NCKAP5: variants seen among roughly 807,000 people sequenced by gnomAD.
The protein encoded by NCKAP5 is NCK associated protein 5, also known as nck-associated protein 5.
In NCKAP5, 92 loss-of-function variants were observed where a neutral mutation model predicts 167.0. That is an observed-to-expected ratio of 0.55 (90% CI 0.47 to 0.66). The LOEUF is 0.66. Among genes scored for constraint, NCKAP5 ranks in the 30% least tolerant of loss-of-function variants. NCKAP5 has a pLI of 0.00. For missense variants in NCKAP5, 2,378 were observed against 2,315.0 expected (o/e 1.03, Z -0.56); for synonymous variants, 891 against 877.4 (o/e 1.02, Z -0.27).
chr2:133,012,913 C>T (rs572097529), intron 6 of NCKAP5, among the ~76,000 whole-genome samples: 1 of 152,284 alleles, frequency 6.6e-6, no homozygotes, highest in Non-Finnish European at 1.5e-5. Context: ...TTGCTCTCAG[C>T]ACATCTACAG....
intron 8 of NCKAP5, among the ~76,000 whole-genome samples, chr2:132,899,539 T>C (rs1358131790): frequency 1.3e-5 from 2 of 152,264 alleles, no homozygotes; most frequent in African/African-American, 2.4e-5. Flanking sequence ...TTTTGACATG[T>C]CTTCCTCACT....
At chr2:133,557,314 T>G (rs1687811841) in intron 2 of NCKAP5, among the ~76,000 whole-genome samples, 1 of 152,142 alleles carries the variant, frequency 6.6e-6, no homozygotes, top group Admixed American at 6.6e-5. Context: ...GCACAACTTT[T>G]CCTAGATAAC....
intron 7 of NCKAP5, among the ~76,000 whole-genome samples, chr2:132,990,190 A>G (rs1320608786): frequency 6.6e-6 from 1 of 152,214 alleles, no homozygotes; most frequent in Non-Finnish European, 1.5e-5. Context: ...AGCCTGAGTT[A>G]GGAAGCAGAG....
the NCKAP5 span, among the ~76,000 whole-genome samples, chr2:133,585,102 T>C: frequency 1.5e-4 from 23 of 152,298 alleles, no homozygotes; most frequent in Non-Finnish European, 3.1e-4. Context: ...TTTCACTATG[T>C]ATATCAAAAC....
chr2:133,669,526 AGGTATCTTTTT>A, the NCKAP5 span, among the ~76,000 whole-genome samples: 1 of 152,158 alleles, frequency 6.6e-6, no homozygotes, highest in South Asian at 2.1e-4. Flanking sequence ...CTTTCTTCAA[AGGTATCTTTTT>A]GAGTCCTCTA....
intron 4 of NCKAP5, among the ~76,000 whole-genome samples, chr2:133,266,001 C>T (rs2089184397): frequency 6.6e-6 from 1 of 152,138 alleles, no homozygotes; most frequent in Non-Finnish European, 1.5e-5. Context: ...CCCCTTTACG[C>T]CCCCACCCTT....
chr2:133,221,169 C>G (rs149347173), intron 4 of NCKAP5, among the ~76,000 whole-genome samples: 1 of 152,098 alleles, frequency 6.6e-6, no homozygotes, highest in Non-Finnish European at 1.5e-5. Context: ...TAAAGTATAA[C>G]AAATAAACAT....
intron 3 of NCKAP5, among the ~76,000 whole-genome samples, chr2:133,503,614 G>A (rs941150944): frequency 2.6e-5 from 4 of 152,146 alleles, no homozygotes; most frequent in African/African-American, 9.7e-5. Flanking sequence ...AAGGACTTTG[G>A]ACACCAAATA....
At chr2:132,828,702 T>C (rs1687303363) in intron 11 of NCKAP5, among the ~76,000 whole-genome samples, 1 of 152,210 alleles carries the variant, frequency 6.6e-6, no homozygotes, top group South Asian at 2.1e-4. Flanking sequence ...ACAAATAGTC[T>C]TTATTATCAT....
chr2:132,882,478 T>C (rs981064058), intron 8 of NCKAP5, among the ~76,000 whole-genome samples: 3 of 152,184 alleles, frequency 2.0e-5, no homozygotes, highest in African/African-American at 7.2e-5. Context: ...TTTTAACTCC[T>C]TTGTTCAATC....
At chr2:133,057,062 T>C (rs1460762527) in intron 6 of NCKAP5, among the ~76,000 whole-genome samples, 4 of 152,210 alleles carry the variant, frequency 2.6e-5, no homozygotes, top group Non-Finnish European at 5.9e-5. Context: ...CTGTGATCAG[T>C]GATCTTTGAT....
intron 16 of NCKAP5, among the ~76,000 whole-genome samples, chr2:132,744,185 A>C (rs1370537285): frequency 6.6e-6 from 1 of 151,674 alleles, no homozygotes; most frequent in East Asian, 1.9e-4. Flanking sequence ...ACTTTGACCA[A>C]TGTGAATTGT....
At chr2:132,972,526 C>T (rs1283355970) in intron 7 of NCKAP5, among the ~76,000 whole-genome samples, 2 of 151,090 alleles carry the variant, frequency 1.3e-5, no homozygotes, top group African/African-American at 4.9e-5. Flanking sequence ...GAGATTGAGA[C>T]CATCCTGGCC....
intron 8 of NCKAP5, chr2:132,926,093 T>G (rs148097414): frequency 8.0e-4 from 219 of 274,960 alleles, no homozygotes; most frequent in African/African-American, 3.7e-3. Flanking sequence ...TAGGTCCATG[T>G]GTACACATTA....
intron 6 of NCKAP5, among the ~76,000 whole-genome samples, chr2:133,046,036 C>T (rs2079388333): frequency 6.6e-6 from 1 of 152,168 alleles, no homozygotes; most frequent in Non-Finnish European, 1.5e-5. Flanking sequence ...ACATCTCAGG[C>T]TGGACGGAGC....
chr2:132,715,036 T>A, intron 19 of NCKAP5: 1 of 370,044 alleles, frequency 2.7e-6, no homozygotes, highest in Non-Finnish European at 5.3e-6. Flanking sequence ...GTATAGTAAG[T>A]GTATATCTCT....
chr2:132,800,066 A>G (rs2105192490), intron 11 of NCKAP5, among the ~76,000 whole-genome samples: 1 of 152,296 alleles, frequency 6.6e-6, no homozygotes, highest in South Asian at 2.1e-4. Context: ...ATATACAGGC[A>G]TGTGTGTGTA....
chr2:133,204,043 C>A (rs987510848), intron 5 of NCKAP5, among the ~76,000 whole-genome samples: 1 of 152,148 alleles, frequency 6.6e-6, no homozygotes, highest in African/African-American at 2.4e-5. Context: ...TATCTTTTAC[C>A]TTCACAGTTT....
At chr2:133,643,417 A>G in the NCKAP5 span, among the ~76,000 whole-genome samples, 13 of 152,082 alleles carry the variant, frequency 8.5e-5, no homozygotes, top group Non-Finnish European at 1.6e-4. Context: ...CCTGTTTCCT[A>G]TTGTAATAAG....
Sources: gnomAD v4.1 joint callset for allele counts (sites outside exome capture counted in the v4.1 genomes callset) on GRCh38, gnomAD v4.1.1 for gene constraint, MANE v1.5 for transcripts, NCBI Gene and HGNC (gene_info 2026-07-23, HGNC 2026-07-21) for gene names.